Variants in SPPL3 observed in about 807,000 individuals in gnomAD.
SPPL3 encodes signal peptide peptidase-like 3.
In SPPL3, 5 loss-of-function variants were observed where a neutral mutation model predicts 42.4. The ratio of observed to expected loss-of-function variants is 0.12; its 90% CI spans 0.06 to 0.25. SPPL3 has a LOEUF of 0.25. Among genes scored for constraint, SPPL3 ranks in the 10% least tolerant of loss-of-function variants. The probability of loss-of-function intolerance (pLI) is 1.00; values close to 1 mark genes in which losing one functional copy is unlikely to be tolerated. For synonymous variants in SPPL3, 195 were observed against 181.8 expected, an observed-to-expected ratio of 1.07 and a Z score of -0.58; for missense variants, 235 against 489.0, an observed-to-expected ratio of 0.48 and a Z score of 4.90.
intron 1 of SPPL3, 113 bp downstream of exon 1, chr12:120,903,732 G>GCGC: frequency 2.6e-6 from 1 of 385,022 alleles, no homozygotes; most frequent in East Asian, 6.3e-5. Flanking sequence ...CCCAACCCGC[G>GCGC]CCCCCCCCCC....
intron 2 of SPPL3, among the ~76,000 whole-genome samples, chr12:120,792,919 G>GA (rs775500872): frequency 2.0e-5 from 3 of 152,006 alleles, no homozygotes; most frequent in Non-Finnish European, 4.4e-5. Flanking sequence ...TCTTAGATAT[G>GA]ATGCTAAAAA....
intron 1 of SPPL3, among the ~76,000 whole-genome samples, chr12:120,900,204 C>A (rs1873931778): frequency 6.6e-6 from 1 of 152,054 alleles, no homozygotes; most frequent in Non-Finnish European, 1.5e-5. Flanking sequence ...TCTGCATATG[C>A]CTTTATATTC....
intron 1 of SPPL3, among the ~76,000 whole-genome samples, chr12:120,840,431 C>T (rs892060326): frequency 7.9e-5 from 12 of 151,694 alleles, no homozygotes; most frequent in African/African-American, 2.2e-4. Flanking sequence ...CCAGAATAGG[C>T]GAGTAGATTA....
chr12:120,803,315 C>T (rs1870383731), intron 2 of SPPL3, among the ~76,000 whole-genome samples: 1 of 152,030 alleles, frequency 6.6e-6, no homozygotes, highest in Non-Finnish European at 1.5e-5. Context: ...AAGTAACTTG[C>T]AAAAGTTAGT....
intron 1 of SPPL3, among the ~76,000 whole-genome samples, chr12:120,852,808 A>ATATG: frequency 6.9e-6 from 1 of 145,444 alleles, no homozygotes; most frequent in African/African-American, 2.5e-5. Flanking sequence ...ATATACATAT[A>ATATG]TGAAATATAT....
Position 120,764,726 on chromosome 12 carries a change from T to G in SPPL3, c.*273A>C, listed in dbSNP as rs935794903. The stretch of plus-strand genomic sequence containing the variant: ...CCAGAAGGTAACAGTCTGGTGCAGA[T>G]CCATAAAAACGTGGGAGGAAGGCGC... On this transcript the variant is annotated 3_prime_UTR_variant, in exon 11 of 11. Transcript: ENST00000353487. 7 of 430,152 alleles carry G rather than the reference T, an allele frequency of 1.6e-5. No individual in the cohort carries two copies. The highest frequency in any genetic ancestry group is 2.5e-5 in the Non-Finnish European group (6 of 244,424). 26.6% of individuals were successfully genotyped at this position (430,152 alleles called of 1,614,324 possible). A position where few individuals can be genotyped will look rare whatever the true frequency, so the allele number is the denominator to read the frequency against.
chr12:120,855,784 TAC>T (rs1007441061), intron 1 of SPPL3, among the ~76,000 whole-genome samples: 16 of 152,284 alleles, frequency 1.1e-4, no homozygotes, highest in African/African-American at 3.8e-4. Context: ...TTGTTTCTCC[TAC>T]ACAGAGAAAT....
At chr12:120,841,012 G>A (rs781102971) in intron 1 of SPPL3, among the ~76,000 whole-genome samples, 3 of 151,682 alleles carry the variant, frequency 2.0e-5, no homozygotes, top group Admixed American at 6.6e-5. Flanking sequence ...TGAATTTTAC[G>A]GTCCGTGAAA....
intron 1 of SPPL3, among the ~76,000 whole-genome samples, chr12:120,895,942 G>A (rs1209428522): frequency 6.6e-6 from 1 of 152,096 alleles, no homozygotes; most frequent in Non-Finnish European, 1.5e-5. Context: ...TTAATGAGTG[G>A]CATAACACAA....
intron 1 of SPPL3, among the ~76,000 whole-genome samples, chr12:120,812,089 C>T (rs1566048764): frequency 7.4e-6 from 1 of 134,334 alleles, no homozygotes; most frequent in African/African-American, 2.8e-5. Context: ...GCTTAGCTGG[C>T]TTTGTACCAT....
chr12:120,776,104 T>C (rs369748441), intron 6 of SPPL3, among the ~76,000 whole-genome samples: 7 of 152,206 alleles, frequency 4.6e-5, no homozygotes, highest in Non-Finnish European at 1.0e-4. Context: ...AAGGCTCTCT[T>C]TGAGGAAAAA....
intron 6 of SPPL3, among the ~76,000 whole-genome samples, chr12:120,771,710 G>A (rs978851219): frequency 4.6e-5 from 7 of 152,104 alleles, no homozygotes; most frequent in East Asian, 1.9e-4. Context: ...GCAAACACAG[G>A]TTTGATGAGG....
chr12:120,858,476 CAA>C (rs965355423), intron 1 of SPPL3, among the ~76,000 whole-genome samples: 2 of 132,026 alleles, frequency 1.5e-5, no homozygotes, highest in Non-Finnish European at 3.4e-5. Flanking sequence ...AAAAAAAAAA[CAA>C]AGAAAATGAC....
At chr12:120,901,757 G>C in intron 1 of SPPL3, 1 of 388,052 alleles carries the variant, frequency 2.6e-6, no homozygotes, top group Non-Finnish European at 3.5e-6. Context: ...AAAGCAAACA[G>C]AGCTGACATT....
intron 1 of SPPL3, among the ~76,000 whole-genome samples, chr12:120,864,236 A>G (rs545631954): frequency 4.3e-4 from 66 of 152,278 alleles, no homozygotes; most frequent in African/African-American, 1.4e-3. Flanking sequence ...GAAGTCTTTA[A>G]ATACTGGGAA....
At chr12:120,843,707 C>T (rs919618642) in intron 1 of SPPL3, among the ~76,000 whole-genome samples, 20 of 152,158 alleles carry the variant, frequency 1.3e-4, no homozygotes, top group African/African-American at 4.8e-4. Context: ...AATTCCAGCA[C>T]TCTGGGTGGC....
At chr12:120,793,233 G>A (rs1252159853) in intron 2 of SPPL3, among the ~76,000 whole-genome samples, 1 of 152,218 alleles carries the variant, frequency 6.6e-6, no homozygotes, top group Non-Finnish European at 1.5e-5. Flanking sequence ...AAACTGGCTG[G>A]AAGCGGTGGC....
chr12:120,784,046 C>G (rs1382885335), intron 4 of SPPL3, among the ~76,000 whole-genome samples: 1 of 152,126 alleles, frequency 6.6e-6, no homozygotes, highest in African/African-American at 2.4e-5. Flanking sequence ...TCCATCAATA[C>G]TTAGCTTGAA....
At chr12:120,900,810 C>A (rs981833770) in intron 1 of SPPL3, among the ~76,000 whole-genome samples, 6 of 151,054 alleles carry the variant, frequency 4.0e-5, no homozygotes, top group Admixed American at 2.0e-4. Flanking sequence ...TGGTCCCAGC[C>A]ACCTGCAGGG....
Sources: gnomAD v4.1 joint callset for allele counts (sites outside exome capture counted in the v4.1 genomes callset) on GRCh38, gnomAD v4.1.1 for gene constraint, MANE v1.5 for transcripts, NCBI Gene and HGNC (gene_info 2026-07-23, HGNC 2026-07-21) for gene names.